Variants in SYT16 observed in about 807,000 individuals in gnomAD.
SYT16 encodes synaptotagmin 16.
A neutral mutation model predicts 61.4 loss-of-function variants in SYT16; 42 were observed. The observed-to-expected ratio is 0.68, with a 90% CI of 0.53 to 0.89. The LOEUF (loss-of-function observed/expected upper bound fraction) is 0.89, where lower values mean the gene tolerates loss of function less well. Ranked by LOEUF, SYT16 falls within the 40% of genes least tolerant of loss-of-function variation. The pLI is 0.00. For missense variants in SYT16, 804 were observed against 807.3 expected, an observed-to-expected ratio of 1.00 and a Z score of 0.05; for synonymous variants, 314 against 302.3, an observed-to-expected ratio of 1.04 and a Z score of -0.40.
At chr14:61,869,004 C>A (rs1459710947) in intron 1 of SYT16, among the ~76,000 whole-genome samples, 1 of 152,008 alleles carries the variant, frequency 6.6e-6, no homozygotes, top group African/African-American at 2.4e-5. Flanking sequence ...TCTATGTACT[C>A]CTGATGACTT....
At chr14:62,053,264 A>G (rs866771695) in intron 3 of SYT16, among the ~76,000 whole-genome samples, 1 of 152,210 alleles carries the variant, frequency 6.6e-6, no homozygotes, top group African/African-American at 2.4e-5. Flanking sequence ...TGGACAGTAG[A>G]GGAAAGGGGA....
chr14:61,971,119 G>A (rs1178851621), intron 2 of SYT16, among the ~76,000 whole-genome samples: 1 of 152,064 alleles, frequency 6.6e-6, no homozygotes, highest in Non-Finnish European at 1.5e-5. Flanking sequence ...ACCAAGGAGA[G>A]GATTTGGGTT....
intron 1 of SYT16, chr14:61,865,295 C>T: frequency 1.3e-6 from 1 of 754,074 alleles, no homozygotes; most frequent in Non-Finnish European, 2.4e-6. Flanking sequence ...CCTACACATC[C>T]CTCTGAACGC....
chr14:61,815,390 C>T (rs2045396664), intron 1 of SYT16, among the ~76,000 whole-genome samples: 1 of 152,142 alleles, frequency 6.6e-6, no homozygotes, highest in Non-Finnish European at 1.5e-5. Flanking sequence ...GTGCTTCCCT[C>T]AACCCCCATT....
At chr14:61,978,225 TATA>T (rs1396652493) in intron 2 of SYT16, among the ~76,000 whole-genome samples, 3 of 152,174 alleles carry the variant, frequency 2.0e-5, no homozygotes, top group Admixed American at 6.5e-5. Flanking sequence ...TTCAGCCCAC[TATA>T]GCAGGAGAAG....
In SYT16 at chr14:61,869,982, A is replaced by G. The variant is rs373312491; in HGVS notation, c.-325+57172A>G. ...CCCAAATTGACCAAGATACACAACA[A>G]TATGTTATTATCTTTGCTTTAGAAG... On this transcript the variant is annotated intron_variant, in intron 1 of 7. Coordinates refer to ENST00000683842, the MANE Select transcript of SYT16 (RefSeq NM_001367656.1). Among the ~76,000 whole-genome samples, 24 of 152,212 alleles carry G rather than the reference A, an allele frequency of 1.6e-4. 1 individual carries two copies. The highest frequency in any genetic ancestry group is 5.8e-4 in the African/African-American group (24 of 41,486).
chr14:61,863,452 A>G (rs1051868364), intron 1 of SYT16, among the ~76,000 whole-genome samples: 14 of 152,138 alleles, frequency 9.2e-5, no homozygotes, highest in African/African-American at 7.2e-5. Flanking sequence ...CCATTTTTCA[A>G]TCAGGTTGTT....
intron 7 of SYT16, among the ~76,000 whole-genome samples, chr14:62,096,718 A>G (rs1252008772): frequency 1.3e-5 from 2 of 152,146 alleles, no homozygotes; most frequent in South Asian, 2.1e-4. Context: ...GATAAACTCC[A>G]AATCCAACAT....
chr14:62,074,433 TGGG>T (rs1200868819), intron 4 of SYT16, among the ~76,000 whole-genome samples: 1 of 151,830 alleles, frequency 6.6e-6, no homozygotes, highest in Non-Finnish European at 1.5e-5. Context: ...CAGTGGAAAA[TGGG>T]GTTGGATGGG....
At chr14:61,926,212 G>T (rs138805454) in intron 1 of SYT16, among the ~76,000 whole-genome samples, 60 of 151,010 alleles carry the variant, frequency 4.0e-4, no homozygotes, top group African/African-American at 1.5e-3. Flanking sequence ...CTTTCTTAGG[G>T]CTAAAAATAA....
chr14:61,818,191 A>G (rs2045501168), intron 1 of SYT16, among the ~76,000 whole-genome samples: 1 of 152,206 alleles, frequency 6.6e-6, no homozygotes, highest in Non-Finnish European at 1.5e-5. Context: ...CCATGTATCC[A>G]GGTCACATAG....
At chr14:62,040,138 G>A (rs1186086754) in intron 3 of SYT16, among the ~76,000 whole-genome samples, 1 of 152,106 alleles carries the variant, frequency 6.6e-6, no homozygotes, top group East Asian at 1.9e-4. Flanking sequence ...CTGCAGGAAT[G>A]GGGAAGCTTG....
Position 62,055,043 on chromosome 14 carries a change from A to G in SYT16, c.524-14560A>G, listed in dbSNP as rs192163705. Among the ~76,000 whole-genome samples the G allele has an allele frequency of 3.9e-5, 6 of 152,360 alleles. No individual in the cohort carries two copies. The East Asian group carries it at 1.2e-3, about 29-fold the overall frequency. ...ATTTGTAAATTAAAATGTTGACTCA[A>G]CATTTGCTTGTAAGGATTCATTGGA... On this transcript the variant is annotated intron_variant, in intron 3 of 7. Transcript: ENST00000683842.
At chr14:61,887,112 T>A (rs2047939051) in intron 1 of SYT16, among the ~76,000 whole-genome samples, 3 of 152,180 alleles carry the variant, frequency 2.0e-5, no homozygotes, top group Admixed American at 6.5e-5. Flanking sequence ...GCAGAGTGGA[T>A]GTTGTGTTAG....
intron 1 of SYT16, among the ~76,000 whole-genome samples, chr14:61,837,327 C>T (rs537242285): frequency 5.3e-4 from 80 of 150,970 alleles, no homozygotes; most frequent in Non-Finnish European, 8.0e-4. Flanking sequence ...ACCTCTGTCT[C>T]CTGGGCTCAA....
intron 1 of SYT16, among the ~76,000 whole-genome samples, chr14:61,920,404 T>C (rs1023345527): frequency 1.3e-5 from 2 of 152,166 alleles, no homozygotes; most frequent in African/African-American, 4.8e-5. Context: ...TAGGTATTTG[T>C]CCTAATGCTC....
At chr14:61,849,008 G>A (rs1463623603) in intron 1 of SYT16, among the ~76,000 whole-genome samples, 1 of 152,134 alleles carries the variant, frequency 6.6e-6, no homozygotes, top group African/African-American at 2.4e-5. Flanking sequence ...GGGCCCAAGG[G>A]CTTTTTAGTC....
At chr14:61,920,542 A>G (rs554278033) in intron 1 of SYT16, among the ~76,000 whole-genome samples, 5 of 152,164 alleles carry the variant, frequency 3.3e-5, no homozygotes, top group Admixed American at 6.5e-5. Flanking sequence ...CAACCACTCA[A>G]TGATTCCCAA....
chr14:61,886,867 AT>A (rs1334472393), intron 1 of SYT16, among the ~76,000 whole-genome samples: 10 of 66,976 alleles, frequency 1.5e-4, no homozygotes, highest in South Asian at 4.8e-4. Context: ...AGTTACGCTT[AT>A]TTTTTTTTTG....
Sources: allele counts gnomAD v4.1 joint callset (sites outside exome capture counted in the v4.1 genomes callset), GRCh38; gene constraint gnomAD v4.1.1; transcripts MANE v1.5; gene names NCBI Gene and HGNC (gene_info 2026-07-23, HGNC 2026-07-21).